The following CTNNA3 variants were observed in gnomAD, a reference collection of about 807,000 sequenced individuals.
The protein encoded by CTNNA3 is catenin alpha-3.
Under a neutral mutation model 95.7 loss-of-function variants are expected in CTNNA3, and 76 were observed. The observed-to-expected ratio is 0.79, with a 90% confidence interval of 0.66 to 0.96. The LOEUF is 0.96. Among genes scored for constraint, CTNNA3 ranks in the 40% least tolerant of loss-of-function variants. The probability of loss-of-function intolerance (pLI) is 0.00; values close to 1 mark genes in which losing one functional copy is unlikely to be tolerated. For synonymous variants in CTNNA3, 431 were observed against 374.4 expected, an observed-to-expected ratio of 1.15 and a Z score of -1.74; for missense variants, 1,191 against 1,089.8, an observed-to-expected ratio of 1.09 and a Z score of -1.31.
Position 66,520,570 on chromosome 10 carries a change from T to C in CTNNA3, c.1531+47A>G, listed in dbSNP as rs1183357322. Reference sequence around the variant, plus strand: ...CCTGTCCCAGTATTATTCTATTTTATAAAATTGACAAGAGAAAATAAACAA... The same window carrying C: ...CCTGTCCCAGTATTATTCTATTTTACAAAATTGACAAGAGAAAATAAACAA... On this transcript the variant is annotated intron_variant, in intron 11 of 17. Transcript: ENST00000433211. 53 of 1,542,114 alleles carry C rather than the reference T, an allele frequency of 3.4e-5. No homozygotes were observed. The Admixed American group carries it at 9.5e-4, about 28-fold the overall frequency.
intron 7 of CTNNA3, among the ~76,000 whole-genome samples, chr10:67,141,544 A>G (rs1366586731): frequency 1.3e-5 from 2 of 152,214 alleles, no homozygotes; most frequent in African/African-American, 4.8e-5. Context: ...AATAGAGTTC[A>G]GCCTCTGAAA....
intron 11 of CTNNA3, among the ~76,000 whole-genome samples, chr10:66,468,097 T>A (rs967225884): frequency 2.0e-5 from 3 of 152,056 alleles, no homozygotes; most frequent in African/African-American, 7.2e-5. Context: ...GCGATTTTAA[T>A]TTTGAAGCAA....
At chr10:67,283,782 C>T (rs1221348472) in intron 5 of CTNNA3, among the ~76,000 whole-genome samples, 3 of 152,178 alleles carry the variant, frequency 2.0e-5, no homozygotes, top group African/African-American at 7.2e-5. Flanking sequence ...GCCCCTCGGT[C>T]AAATTCTTTC....
intron 1 of CTNNA3, among the ~76,000 whole-genome samples, chr10:67,758,886 T>C (rs557966565): frequency 2.0e-5 from 3 of 152,212 alleles, no homozygotes; most frequent in African/African-American, 7.2e-5. Context: ...GTATCACACA[T>C]TTAAGAAAAG....
chr10:66,936,537 AGT>A (rs955873815), intron 7 of CTNNA3, among the ~76,000 whole-genome samples: 4 of 151,978 alleles, frequency 2.6e-5, no homozygotes, highest in Admixed American at 2.6e-4. Flanking sequence ...TAATTCTTTG[AGT>A]GCACTGCCTT....
intron 7 of CTNNA3, among the ~76,000 whole-genome samples, chr10:67,014,813 C>T (rs72804680): frequency 0.049 from 7,395 of 151,902 alleles, 264 homozygotes; most frequent in Middle Eastern, 0.075. Context: ...AACATCATTC[C>T]AAACATAGCT....
chr10:67,188,975 G>A (rs1862992593), intron 6 of CTNNA3, among the ~76,000 whole-genome samples: 1 of 152,006 alleles, frequency 6.6e-6, no homozygotes, highest in Admixed American at 6.6e-5. Context: ...AAATTAGCCA[G>A]GCGTGGTGGC....
rs1275511896 is a variant in CTNNA3 at position 67,390,855 on chromosome 10, A to G, written c.579+130987T>C. Among the ~76,000 whole-genome samples, 5 of 145,858 alleles carry G rather than the reference A, an allele frequency of 3.4e-5. No homozygotes were observed. In the Admixed American group the frequency reaches 3.4e-4, roughly 10 times the overall value. ...AAAAAGCCTTTGACAAAATTCAACA[A>G]CCCTTCATGCTAAAAACTCTCAATA... On this transcript the variant is annotated intron_variant, in intron 5 of 17. Transcript: ENST00000433211.
intron 17 of CTNNA3, among the ~76,000 whole-genome samples, chr10:65,941,950 C>A (rs1010291531): frequency 6.6e-6 from 1 of 152,138 alleles, no homozygotes; most frequent in African/African-American, 2.4e-5. Context: ...TCCATTTTAA[C>A]AGAGAATGTT....
intron 7 of CTNNA3, among the ~76,000 whole-genome samples, chr10:67,144,760 T>A (rs1860760897): frequency 6.6e-6 from 1 of 152,218 alleles, no homozygotes; most frequent in South Asian, 2.1e-4. Flanking sequence ...AAACCTTACA[T>A]CAGCAATAAA....
chr10:66,522,555 AAAG>A (rs1244962936), intron 10 of CTNNA3, among the ~76,000 whole-genome samples: 10 of 152,028 alleles, frequency 6.6e-5, no homozygotes, highest in African/African-American at 2.4e-4. Context: ...GCCGCTACGT[AAAG>A]AAGGACATGT....
chr10:66,360,660 TTCCTTCCTTCC>T lies in CTNNA3; in HGVS notation c.1732+18481_1732+18491del, dbSNP rs1564896265. ...CTTTCTTTCTTTCTTTCTTTCTTTC[TTCCTTCCTTCC>T]TTCCTTCCTTCCTTCCTTCCTTTTC... On this transcript the variant is annotated intron_variant, in intron 12 of 17. Coordinates refer to ENST00000433211, the MANE Select transcript of CTNNA3 (RefSeq NM_013266.4). Among the ~76,000 whole-genome samples the T allele has an allele frequency of 1.1e-3, 36 of 32,840 alleles. 1 individual carries two copies. The highest frequency in any genetic ancestry group is 1.5e-3 in the Non-Finnish European group (22 of 14,258). The allele number at this position is 32,840 out of a possible 152,430, so 21.5% of individuals were successfully genotyped here.
intron 9 of CTNNA3, among the ~76,000 whole-genome samples, chr10:66,653,315 C>T (rs2132420972): frequency 6.6e-6 from 1 of 152,092 alleles, no homozygotes; most frequent in South Asian, 2.1e-4. Flanking sequence ...TACAGACTAA[C>T]AACAAACTCT....
At chr10:66,008,862 C>G (rs141567673) in intron 15 of CTNNA3, among the ~76,000 whole-genome samples, 1,860 of 152,132 alleles carry the variant, frequency 0.012, 31 homozygotes, top group African/African-American at 0.043. Context: ...AGCACTTTGT[C>G]AGGCTGAGGT....
chr10:67,530,862 T>C (rs1840302857), intron 4 of CTNNA3, among the ~76,000 whole-genome samples: 1 of 152,196 alleles, frequency 6.6e-6, no homozygotes, highest in Admixed American at 6.5e-5. Flanking sequence ...CCATGCTGTG[T>C]GCAGCCTAGG....
chr10:67,598,490 C>T (rs2133362918), intron 3 of CTNNA3, among the ~76,000 whole-genome samples: 1 of 152,142 alleles, frequency 6.6e-6, no homozygotes, highest in South Asian at 2.1e-4. Context: ...TCAATGCCTT[C>T]CTTCCGAAGT....
At chr10:67,583,194 T>C (rs886330072) in intron 3 of CTNNA3, among the ~76,000 whole-genome samples, 1 of 152,312 alleles carries the variant, frequency 6.6e-6, no homozygotes, top group South Asian at 2.1e-4. Context: ...CAGTGGCTGG[T>C]ACCGGTTGTT....
At chr10:66,904,753 AAC>A (rs1467428432) in intron 7 of CTNNA3, among the ~76,000 whole-genome samples, 1 of 152,244 alleles carries the variant, frequency 6.6e-6, no homozygotes, top group African/African-American at 2.4e-5. Flanking sequence ...TGCAGCAGCC[AAC>A]ACACACTTGA....
chr10:66,996,066 T>C (rs1190758703), intron 7 of CTNNA3, among the ~76,000 whole-genome samples: 3 of 152,200 alleles, frequency 2.0e-5, no homozygotes, highest in African/African-American at 4.8e-5. Flanking sequence ...TATTTTGTAA[T>C]ATTATCCTAC....
Sources: gnomAD v4.1 joint callset for allele counts (sites outside exome capture counted in the v4.1 genomes callset) on GRCh38, gnomAD v4.1.1 for gene constraint, MANE v1.5 for transcripts, NCBI Gene and HGNC (gene_info 2026-07-23, HGNC 2026-07-21) for gene names.